MCU: variants seen among roughly 807,000 people sequenced by gnomAD.
MCU encodes mitochondrial calcium uniporter.
MCU carries 12 observed loss-of-function variants against 45.2 expected under a neutral mutation model. That is an observed-to-expected ratio of 0.27 (90% CI 0.17 to 0.43). The LOEUF is 0.43. Among genes scored for constraint, MCU ranks in the 20% least tolerant of loss-of-function variants. The probability of loss-of-function intolerance (pLI) is 1.00; values close to 1 mark genes in which losing one functional copy is unlikely to be tolerated. For missense variants in MCU, 324 were observed against 436.7 expected (o/e 0.74, Z 2.30); for synonymous variants, 160 against 165.1 (o/e 0.97, Z 0.24).
At chr10:72,843,095 G>C (rs894950992) in intron 2 of MCU, among the ~76,000 whole-genome samples, 1 of 152,084 alleles carries the variant, frequency 6.6e-6, no homozygotes, top group African/African-American at 2.4e-5. Flanking sequence ...TCCTTGCATA[G>C]TCTCCCCATG....
intron 1 of MCU, among the ~76,000 whole-genome samples, chr10:72,712,734 T>C (rs1842910818): frequency 2.0e-5 from 3 of 152,210 alleles, no homozygotes; most frequent in Admixed American, 6.5e-5. Context: ...TCTGTACATA[T>C]TAGTCAATGT....
intron 4 of MCU, among the ~76,000 whole-genome samples, chr10:72,861,981 C>CTTT (rs1252900155): frequency 1.5e-5 from 2 of 131,872 alleles, no homozygotes; most frequent in Non-Finnish European, 3.3e-5. Context: ...TGAGTTGTGT[C>CTTT]TTTTTTTTTT....
rs868104469 is a variant in MCU, at chr10:72,884,251, T to C, written c.862-15T>C. 1 of 1,452,478 alleles carries C rather than the reference T, an allele frequency of 6.9e-7. No homozygotes were observed. Among genetic ancestry groups the C allele is most frequent in the Admixed American group, 1.7e-5 (1 of 58,876 alleles). The allele number at this position is 1,452,478 out of a possible 1,614,324, so 90.0% of individuals were successfully genotyped here. ...TATGCTAAGGACTGATAATTCCGTT[T>C]CTTCATTTTTTTAGGAATATGTTTA... is the stretch of plus-strand genomic sequence containing the variant. On this transcript the variant is annotated splice_polypyrimidine_tract_variant and intron_variant, in intron 6 of 7. Coordinates refer to ENST00000373053, the MANE Select transcript of MCU (RefSeq NM_138357.3).
chr10:72,773,977 A>G (rs1198380555), intron 1 of MCU, among the ~76,000 whole-genome samples: 2 of 152,246 alleles, frequency 1.3e-5, no homozygotes, highest in Non-Finnish European at 2.9e-5. Flanking sequence ...GCTAAAGGGA[A>G]TTCTTCAATC....
intron 1 of MCU, among the ~76,000 whole-genome samples, chr10:72,712,661 T>G (rs1174775593): frequency 6.6e-6 from 1 of 152,172 alleles, no homozygotes. Flanking sequence ...GGTCTAGAAA[T>G]GAGGGGACAT....
At chr10:72,734,001 C>T (rs957155341) in intron 1 of MCU, among the ~76,000 whole-genome samples, 1 of 152,088 alleles carries the variant, frequency 6.6e-6, no homozygotes, top group Non-Finnish European at 1.5e-5. Flanking sequence ...GAAAGAAAAA[C>T]TCCTCAGAGT....
chr10:72,849,221 C>G (rs936712517), intron 2 of MCU, among the ~76,000 whole-genome samples: 1 of 149,560 alleles, frequency 6.7e-6, no homozygotes, highest in African/African-American at 2.5e-5. Flanking sequence ...GCGCAGGTTG[C>G]CGTGAGCTGA....
At chr10:72,781,845 A>G (rs1445577004) in intron 1 of MCU, among the ~76,000 whole-genome samples, 2 of 152,120 alleles carry the variant, frequency 1.3e-5, no homozygotes, top group Non-Finnish European at 2.9e-5. Flanking sequence ...CTTGGAATCC[A>G]TTTTAGTGAC....
At chr10:72,803,244 C>T (rs1350886940) in intron 1 of MCU, among the ~76,000 whole-genome samples, 1 of 151,498 alleles carries the variant, frequency 6.6e-6, no homozygotes, top group Non-Finnish European at 1.5e-5. Flanking sequence ...ATGATTTCTT[C>T]ACAAAATCAG....
At chr10:72,724,746 T>C (rs561877175) in intron 1 of MCU, among the ~76,000 whole-genome samples, 4 of 152,344 alleles carry the variant, frequency 2.6e-5, no homozygotes, top group African/African-American at 9.6e-5. Context: ...CAGCTCAGCA[T>C]ATGGAAGAAT....
intron 7 of MCU, 71 bp downstream of exon 7, chr10:72,884,453 G>A (rs1360899245): frequency 1.8e-5 from 15 of 851,744 alleles, no homozygotes; most frequent in Non-Finnish European, 2.6e-5. Context: ...CCACAGCCAC[G>A]GTTCTTCAAA....
chr10:72,757,348 T>G (rs1241550218), intron 1 of MCU, among the ~76,000 whole-genome samples: 1 of 152,158 alleles, frequency 6.6e-6, no homozygotes, highest in Non-Finnish European at 1.5e-5. Context: ...CAATATTGTT[T>G]CAGGGAAAAA....
chr10:72,716,062 G>T (rs1310052883), intron 1 of MCU, among the ~76,000 whole-genome samples: 2 of 152,166 alleles, frequency 1.3e-5, no homozygotes, highest in Non-Finnish European at 2.9e-5. Context: ...ATAAATGGTT[G>T]CTTGATTTTG....
rs1424208709 is a variant in MCU, at chr10:72,860,460, C to T, written c.429C>T (p.Leu143=). Residue 143 remains leucine (L), a synonymous_variant, in exon 4 of 8, where the codon CTC becomes CTT. Coordinates refer to ENST00000373053, the MANE Select transcript of MCU (RefSeq NM_138357.3). ...TTGCTGCTTCAACAGGAATAGACCT[C>T]CTCCTCCTTGATGACTTTAAGCTGG... is the stretch of plus-strand genomic sequence containing the variant. ...VRVAASTGID[L]LLLDDFKLVI... The T allele has an allele frequency of 1.2e-6, 2 of 1,613,944 alleles. No homozygotes were observed. Among genetic ancestry groups the T allele is most frequent in the Admixed American group, 1.7e-5 (1 of 59,996 alleles).
At chr10:72,830,946 A>G (rs1325915549) in intron 1 of MCU, among the ~76,000 whole-genome samples, 1 of 152,238 alleles carries the variant, frequency 6.6e-6, no homozygotes, top group Admixed American at 6.5e-5. Flanking sequence ...TCAAGGAAAG[A>G]TTAATTTAGA....
Position 72,762,931 on chromosome 10 carries a change from A to T in MCU, c.150+70630A>T, listed in dbSNP as rs140070977. ...GGCTAAAATCAACGTGTCTTCAGGG[A>T]TGTGTTCCTTTCTGGACCTGTGAGA... On this transcript the variant is annotated intron_variant, in intron 1 of 7. Transcript: ENST00000373053. Among the ~76,000 whole-genome samples the T allele has an allele frequency of 2.0e-4, 30 of 152,144 alleles. No homozygotes were observed. The East Asian group carries it at 5.8e-3, about 29-fold the overall frequency.
At chr10:72,773,480 G>A (rs1285502742) in intron 1 of MCU, among the ~76,000 whole-genome samples, 3 of 152,116 alleles carry the variant, frequency 2.0e-5, no homozygotes. Flanking sequence ...CTGTATATAA[G>A]ATATAGAAAA....
At chr10:72,825,633 CAA>C (rs999571606) in intron 1 of MCU, among the ~76,000 whole-genome samples, 1 of 104,604 alleles carries the variant, frequency 9.6e-6, no homozygotes, top group Non-Finnish European at 2.7e-5. Flanking sequence ...AGTGGGAAAA[CAA>C]AGAGGTTGAT....
chr10:72,703,550 A>G (rs901447967), intron 1 of MCU, among the ~76,000 whole-genome samples: 1 of 152,172 alleles, frequency 6.6e-6, no homozygotes, highest in Non-Finnish European at 1.5e-5. Context: ...AACTCAGCCC[A>G]CAGTAGAAGT....
Sources: gnomAD v4.1 joint callset for allele counts (sites outside exome capture counted in the v4.1 genomes callset) on GRCh38, gnomAD v4.1.1 for gene constraint, MANE v1.5 for transcripts, NCBI Gene and HGNC (gene_info 2026-07-23, HGNC 2026-07-21) for gene names.